EVC: variants seen among roughly 807,000 people sequenced by gnomAD.
EVC encodes the protein EvC ciliary complex subunit 1.
Under a neutral mutation model 118.9 loss-of-function variants are expected in EVC, and 116 were observed. The ratio of observed to expected loss-of-function variants is 0.98; its 90% CI spans 0.84 to 1.14. EVC has a LOEUF of 1.14. Among genes scored for constraint, EVC ranks in the 50% most tolerant of loss-of-function variants. EVC has a pLI of 0.00. For missense variants in EVC, 1,401 were observed against 1,246.4 expected, an observed-to-expected ratio of 1.12 and a Z score of -1.87; for synonymous variants, 619 against 534.7, an observed-to-expected ratio of 1.16 and a Z score of -2.18.
intron 5 of EVC, among the ~76,000 whole-genome samples, chr4:5,734,675 A>G (rs1163648832): frequency 6.6e-6 from 1 of 152,182 alleles, no homozygotes; most frequent in Admixed American, 6.5e-5. Flanking sequence ...AAAAACAAGA[A>G]TAGCACACTG....
intron 11 of EVC, among the ~76,000 whole-genome samples, chr4:5,762,301 T>C (rs1219603448): frequency 1.5e-5 from 2 of 137,374 alleles, no homozygotes; most frequent in Non-Finnish European, 3.2e-5. Context: ...CAGTCTATCA[T>C]TGTTGGACAT....
intron 12 of EVC, among the ~76,000 whole-genome samples, chr4:5,786,871 CAAAA>C (rs375303542): frequency 1.1e-5 from 1 of 95,194 alleles, no homozygotes; most frequent in Admixed American, 1.1e-4. Context: ...GACTCCGTCT[CAAAA>C]AAAAAAAAAA....
chr4:5,811,430 CAT>C lies in EVC; in HGVS notation c.*395_*396del, dbSNP rs1257774067. 7.1e-6 allele frequency: 2 copies of C among 280,538 alleles called. No individual in the cohort carries two copies. Among genetic ancestry groups the C allele is most frequent in the South Asian group, 3.9e-5 (1 of 25,444 alleles). 17.4% of individuals were successfully genotyped at this position (280,538 alleles called of 1,614,324 possible). A position where few individuals can be genotyped will look rare whatever the true frequency, so the allele number is the denominator to read the frequency against. ...ATCTGGGGCTGAGGACACACAGATA[CAT>C]AATGACACCTGCAGAAATGTATTCT... On this transcript the variant is annotated 3_prime_UTR_variant, in exon 21 of 21. Transcript: ENST00000264956.
rs1340060417 is a variant in EVC at position 5,798,609 on chromosome 4, C to T, written c.2121C>T (p.Ala707=). The T allele has an allele frequency of 6.3e-7, 1 of 1,575,852 alleles. No individual in the cohort carries two copies. The highest frequency in any genetic ancestry group is 8.6e-7 in the Non-Finnish European group (1 of 1,162,004). The change falls in exon 15 of 21, where the codon GCC becomes GCT. Residue 707 remains alanine (A), a synonymous_variant. Transcript: ENST00000264956. This position sits in a 1 kb window ranked among gnomAD's most constrained non-coding sequence, Gnocchi z 4.1. ...RALEARVLEE[A]SRLEEEAQQT... is the part of the protein sequence containing the mutation. Reference sequence around the variant, plus strand: ...AGGAGGCGCGTGTGCTGGAGGAGGCCAGCCGGCTAGAGGAGGAAGCACAGC... The same window carrying T: ...AGGAGGCGCGTGTGCTGGAGGAGGCTAGCCGGCTAGAGGAGGAAGCACAGC...
intron 17 of EVC, 123 bp downstream of exon 17, chr4:5,804,964 C>T (rs1715631451): frequency 1.2e-6 from 1 of 822,384 alleles, no homozygotes; most frequent in Non-Finnish European, 2.0e-6. Context: ...GGGCCATCGG[C>T]CTTCCTCACC....
intron 2 of EVC, among the ~76,000 whole-genome samples, chr4:5,720,231 G>A (rs1211464790): frequency 6.6e-6 from 1 of 152,154 alleles, no homozygotes; most frequent in Non-Finnish European, 1.5e-5. Flanking sequence ...CATCACTCAT[G>A]CCAGGCAGTT....
intron 11 of EVC, among the ~76,000 whole-genome samples, chr4:5,763,522 C>T (rs1164676045): frequency 7.1e-6 from 1 of 140,820 alleles, no homozygotes; most frequent in Non-Finnish European, 1.5e-5. Context: ...ATTGATTCTT[C>T]CTACCCATGA....
chr4:5,717,953 A>C (rs1423067823), intron 1 of EVC, among the ~76,000 whole-genome samples: 3 of 152,198 alleles, frequency 2.0e-5, no homozygotes, highest in African/African-American at 7.2e-5. Context: ...TCGTTACTCT[A>C]TTCCCAGTAC....
At chr4:5,739,899 C>CAAAAAAAAAA (rs11343689) in intron 5 of EVC, among the ~76,000 whole-genome samples, 1 of 120,574 alleles carries the variant, frequency 8.3e-6, no homozygotes, top group African/African-American at 3.2e-5. Flanking sequence ...AACCCCATCT[C>CAAAAAAAAAA]AAAAAAAAAA....
chr4:5,759,798 A>G (rs577027136), intron 11 of EVC, among the ~76,000 whole-genome samples: 11 of 152,338 alleles, frequency 7.2e-5, no homozygotes, highest in Admixed American at 5.9e-4. Flanking sequence ...TATTTTGCCA[A>G]GGTTGAGGCT....
downstream of EVC, chr4:5,814,364 C>CCCCAGGGTGAGTGCACTCT (rs1717357685): frequency 6.6e-6 from 1 of 152,116 alleles, no homozygotes; most frequent in Non-Finnish European, 1.5e-5. Context: ...TTTTGTACTC[C>CCCCAGGGTGAGTGCACTCT]CCCAGGGTGA....
At chr4:5,788,611 C>T (rs1712158964) in intron 12 of EVC, among the ~76,000 whole-genome samples, 1 of 152,200 alleles carries the variant, frequency 6.6e-6, no homozygotes, top group African/African-American at 2.4e-5. Context: ...GGGTCATCCT[C>T]GACTCCTCTT....
chr4:5,717,792 CTT>C lies in EVC; in HGVS notation c.175-1454_175-1453del, dbSNP rs149180025. The stretch of plus-strand genomic sequence containing the variant: ...CTCAAATGCCGCTTTGTCCAAGAGA[CTT>C]TGTCTCCCATCATCCTTCATTCCCC... On this transcript the variant is annotated intron_variant, in intron 1 of 20. Coordinates refer to ENST00000264956, the MANE Select transcript of EVC (RefSeq NM_153717.3). Among the ~76,000 whole-genome samples, 817 of 152,374 alleles carry C rather than the reference CTT, an allele frequency of 5.4e-3. 7 individuals carry two copies. Among genetic ancestry groups the C allele is most frequent in the African/African-American group, 0.019 (777 of 41,592 alleles).
rs988317172 is a variant in EVC at position 5,789,346 on chromosome 4, C to G, written c.1777-4262C>G. Among the ~76,000 whole-genome samples the G allele has an allele frequency of 6.6e-6, 1 of 152,176 alleles. No individual in the cohort carries two copies. ...TGGTTCCTTGCACTCCTCTGGCTTT[C>G]TGGGCACGTTCCTGCCTTACTCTGT... On this transcript the variant is annotated intron_variant, in intron 12 of 20. Coordinates refer to ENST00000264956, the MANE Select transcript of EVC (RefSeq NM_153717.3). This position sits in a 1 kb window ranked among gnomAD's most constrained non-coding sequence, Gnocchi z 4.3.
chr4:5,825,250 C>T, the EVC span: 3 of 985,274 alleles, frequency 3.0e-6, no homozygotes, highest in Non-Finnish European at 3.6e-6. This position sits in a 1 kb window ranked among gnomAD's most constrained non-coding sequence, Gnocchi z 4.4. Context: ...ATTTTGGTAC[C>T]TCTCTTTGTA....
intron 15 of EVC, among the ~76,000 whole-genome samples, chr4:5,801,025 G>T (rs1358850065): frequency 6.6e-6 from 1 of 152,216 alleles, no homozygotes; most frequent in Non-Finnish European, 1.5e-5. Context: ...TGATAACTTT[G>T]TCAGTGCACA....
chr4:5,713,239 T>C (rs1052678577), intron 1 of EVC, among the ~76,000 whole-genome samples: 12 of 152,122 alleles, frequency 7.9e-5, no homozygotes, highest in African/African-American at 2.9e-4. Context: ...TTTGTTACAG[T>C]TTGATGTGAT....
chr4:5,804,110 G>T (rs907647388), intron 16 of EVC, among the ~76,000 whole-genome samples: 1 of 152,018 alleles, frequency 6.6e-6, no homozygotes, highest in Non-Finnish European at 1.5e-5. Flanking sequence ...GCTCATTTTT[G>T]TACTTTTAGT....
Position 5,811,273 on chromosome 4 carries a change from G to A in EVC, c.*236G>A. 1 of 503,700 alleles carries A rather than the reference G, an allele frequency of 2.0e-6. No individual in the cohort carries two copies. The highest frequency in any genetic ancestry group is 3.6e-6 in the Non-Finnish European group (1 of 276,796). 31.2% of individuals were successfully genotyped at this position (503,700 alleles called of 1,614,324 possible). A position where few individuals can be genotyped will look rare whatever the true frequency, so the allele number is the denominator to read the frequency against. On this transcript the variant is annotated 3_prime_UTR_variant, in exon 21 of 21. Transcript: ENST00000264956. ...GTCTCTGTGAGTTTGCATTTCATTT[G>A]GCTTGGAGCCCTGGCTCGATGCCTC...
Sources: gnomAD v4.1 joint callset for allele counts (sites outside exome capture counted in the v4.1 genomes callset) on GRCh38, gnomAD v4.1.1 for gene constraint, Gnocchi (gnomAD v3.1) non-coding constraint, MANE v1.5 for transcripts, NCBI Gene and HGNC (gene_info 2026-07-23, HGNC 2026-07-21) for gene names.